The following LSM14A variants were observed in gnomAD, a reference collection of about 807,000 sequenced individuals.
LSM14A encodes LSM14A mRNA processing body assembly factor.
LSM14A carries 14 observed loss-of-function variants against 52.4 expected under a neutral mutation model. The observed-to-expected ratio is 0.27, with a 90% CI of 0.18 to 0.42. The LOEUF (loss-of-function observed/expected upper bound fraction) is 0.42. LSM14A is among the 10% of genes least tolerant of loss of function. LSM14A has a pLI of 1.00. For synonymous variants in LSM14A, 185 were observed against 200.3 expected (o/e 0.92, Z 0.64); for missense variants, 417 against 581.8 (o/e 0.72, Z 2.91).
intron 1 of LSM14A, among the ~76,000 whole-genome samples, chr19:34,183,228 A>G (rs1264248531): frequency 1.3e-5 from 2 of 152,160 alleles, no homozygotes; most frequent in African/African-American, 4.8e-5. Flanking sequence ...GATAAATCCT[A>G]TCAAAACTAC....
At chr19:34,225,742 AC>A (rs1324983120) in intron 9 of LSM14A, among the ~76,000 whole-genome samples, 1 of 152,176 alleles carries the variant, frequency 6.6e-6, no homozygotes, top group East Asian at 1.9e-4. Flanking sequence ...CACTCTCTTG[AC>A]TTGTGGCCTG....
At chr19:34,217,025 G>A (rs754669340) in intron 6 of LSM14A, among the ~76,000 whole-genome samples, 1 of 152,148 alleles carries the variant, frequency 6.6e-6, no homozygotes, top group Non-Finnish European at 1.5e-5. Context: ...ACTTTGGGAC[G>A]CCGAGGCGGG....
intron 1 of LSM14A, among the ~76,000 whole-genome samples, chr19:34,174,942 CTT>C (rs1218145856): frequency 2.0e-5 from 3 of 151,954 alleles, no homozygotes; most frequent in Admixed American, 2.0e-4. Flanking sequence ...TATTTTTGTT[CTT>C]TTTTAAAAAC....
At chr19:34,185,371 G>T (rs541387872) in intron 1 of LSM14A, among the ~76,000 whole-genome samples, 1 of 152,286 alleles carries the variant, frequency 6.6e-6, no homozygotes, top group African/African-American at 2.4e-5. Context: ...GGAAGAGATG[G>T]TGGAGGCTGA....
chr19:34,184,672 A>G (rs749429424), intron 1 of LSM14A, among the ~76,000 whole-genome samples: 1 of 152,238 alleles, frequency 6.6e-6, no homozygotes, highest in Non-Finnish European at 1.5e-5. Context: ...AAGTTTTAAC[A>G]TATCTTTTCA....
intron 3 of LSM14A, among the ~76,000 whole-genome samples, chr19:34,197,509 G>T (rs1313384009): frequency 8.3e-6 from 1 of 120,408 alleles, no homozygotes; most frequent in Non-Finnish European, 1.6e-5. Context: ...CATGATCTCC[G>T]CTCACTGCAA....
intron 1 of LSM14A, 91 bp downstream of exon 1, chr19:34,172,854 C>G: frequency 7.1e-7 from 1 of 1,400,634 alleles, no homozygotes. Context: ...CGTTCCCTCC[C>G]CTCCCTCCGT....
Position 34,219,558 on chromosome 19 carries a change from A to G in LSM14A, c.949A>G (p.Lys317Glu). ...KEEIDREFHNKLKLKEDKLEK... is the reference protein window; with the variant it reads ...KEEIDREFHNELKLKEDKLEK... ...AGAGATTGACAGAGAGTTTCATAAT[A>G]AACTTAAATTAAAAGGTAAGCTTTG... Residue 317 changes from lysine to glutamate, a missense_variant, in exon 7 of 10, where the codon AAA becomes GAA. Physicochemically the swap from Lys to Glu is moderately conservative, Grantham distance 56. Transcript: ENST00000544216. 1 of 1,609,322 alleles carries G rather than the reference A, an allele frequency of 6.2e-7. No individual in the cohort carries two copies. Among genetic ancestry groups the G allele is most frequent in the East Asian group, 2.2e-5 (1 of 44,862 alleles).
At chr19:34,172,803 C>A in intron 1 of LSM14A, 40 bp downstream of exon 1, 1 of 1,541,142 alleles carries the variant, frequency 6.5e-7, no homozygotes, top group Non-Finnish European at 8.7e-7. Context: ...CCGAGCCGGG[C>A]GCCGCTCGGG....
At chr19:34,207,051 T>TG (rs2071752386) in intron 3 of LSM14A, among the ~76,000 whole-genome samples, 1 of 152,226 alleles carries the variant, frequency 6.6e-6, no homozygotes, top group Non-Finnish European at 1.5e-5. Flanking sequence ...CAAGAGGTGT[T>TG]GCAGCAGCTG....
intron 1 of LSM14A, among the ~76,000 whole-genome samples, chr19:34,192,319 G>GTTGTTGTTTTTTTTTTTTTTT (rs60512063): frequency 5.6e-5 from 3 of 53,410 alleles, no homozygotes; most frequent in African/African-American, 2.4e-4. Flanking sequence ...TCTTTTTGTT[G>GTTGTTGTTTTTTTTTTTTTTT]TTTTTTTTTT....
intron 1 of LSM14A, among the ~76,000 whole-genome samples, chr19:34,190,033 T>C (rs745516589): frequency 2.8e-4 from 42 of 152,212 alleles, no homozygotes; most frequent in Non-Finnish European, 5.1e-4. Context: ...CATAATTCCC[T>C]TATTTACTGA....
chr19:34,210,200 C>A (rs537137456), intron 4 of LSM14A, among the ~76,000 whole-genome samples: 1 of 152,076 alleles, frequency 6.6e-6, no homozygotes, highest in East Asian at 1.9e-4. Context: ...TAAACATAAT[C>A]TTATGTATTT....
chr19:34,186,802 G>C (rs1331170240), intron 1 of LSM14A, among the ~76,000 whole-genome samples: 1 of 152,052 alleles, frequency 6.6e-6, no homozygotes. Context: ...ATTTGAACCT[G>C]GTTTTAGTTT....
intron 3 of LSM14A, among the ~76,000 whole-genome samples, chr19:34,199,546 G>C (rs1346208167): frequency 6.6e-6 from 1 of 152,176 alleles, no homozygotes; most frequent in Non-Finnish European, 1.5e-5. Context: ...ATATGGAATG[G>C]GAAAGGTGAG....
At chr19:34,224,589 AG>A (rs2073243538) in intron 9 of LSM14A, among the ~76,000 whole-genome samples, 1 of 152,164 alleles carries the variant, frequency 6.6e-6, no homozygotes, top group Admixed American at 6.6e-5. Flanking sequence ...GCGAACCCTC[AG>A]GCATGGCCCA....
At chr19:34,208,487 AT>A in intron 3 of LSM14A, 1 of 152,894 alleles carries the variant, frequency 6.5e-6, no homozygotes, top group Middle Eastern at 3.4e-3. Context: ...ACCAGAGTCC[AT>A]TGTCTATTGC....
At chr19:34,209,127 T>G in intron 4 of LSM14A, 76 bp downstream of exon 4, 1 of 1,295,388 alleles carries the variant, frequency 7.7e-7, no homozygotes, top group Non-Finnish European at 1.0e-6. Flanking sequence ...TGTAAGAGCT[T>G]TTGCAGCTTG....
chr19:34,202,307 A>C (rs1599692093), intron 3 of LSM14A, among the ~76,000 whole-genome samples: 1 of 151,196 alleles, frequency 6.6e-6, no homozygotes, highest in Admixed American at 6.6e-5. Flanking sequence ...CAGCCTGGGC[A>C]ACATAGCTAA....
Sources: gnomAD v4.1 joint callset for allele counts (sites outside exome capture counted in the v4.1 genomes callset) on GRCh38, gnomAD v4.1.1 for gene constraint, MANE v1.5 for transcripts, NCBI Gene and HGNC (gene_info 2026-07-23, HGNC 2026-07-21) for gene names.